Variants in BMP6 observed in about 807,000 individuals in gnomAD.
The protein encoded by BMP6 is VG-1-R.
BMP6 carries 17 observed loss-of-function variants against 54.1 expected under a neutral mutation model. The observed-to-expected ratio is 0.31, with a 90% CI of 0.22 to 0.47. BMP6 has a LOEUF of 0.47. Ranked by LOEUF, BMP6 falls within the 20% of genes least tolerant of loss-of-function variation. The pLI is 1.00. For synonymous variants in BMP6, 328 were observed against 291.2 expected (o/e 1.13, Z -1.28); for missense variants, 720 against 690.4 (o/e 1.04, Z -0.48).
At chr6:7,741,471 A>G (rs914259000) in intron 1 of BMP6, among the ~76,000 whole-genome samples, 2 of 139,466 alleles carry the variant, frequency 1.4e-5, no homozygotes, top group Admixed American at 7.3e-5. Flanking sequence ...AGTTGTTTTA[A>G]TTTTTTGTAG....
At chr6:7,864,444 A>C (rs1220090785) in intron 4 of BMP6, among the ~76,000 whole-genome samples, 1 of 152,210 alleles carries the variant, frequency 6.6e-6, no homozygotes, top group East Asian at 1.9e-4. Flanking sequence ...CCATTGTAGG[A>C]AGTAGGTTCT....
intron 1 of BMP6, among the ~76,000 whole-genome samples, chr6:7,783,678 G>C (rs897124264): frequency 6.6e-6 from 1 of 152,166 alleles, no homozygotes; most frequent in African/African-American, 2.4e-5. Context: ...CCTTTCTCTT[G>C]TTCACAGCCC....
chr6:7,862,614 A>C (rs1759353351), intron 4 of BMP6, 116 bp downstream of exon 4: 3 of 1,297,278 alleles, frequency 2.3e-6, no homozygotes, highest in Middle Eastern at 2.6e-4. Context: ...CCAAAGGCAA[A>C]TAGGTGTCAT....
chr6:7,785,891 T>A (rs1758012952), intron 1 of BMP6, among the ~76,000 whole-genome samples: 1 of 152,160 alleles, frequency 6.6e-6, no homozygotes, highest in Admixed American at 6.5e-5. Context: ...GTAACTTAGT[T>A]ACTGAAAAAT....
chr6:7,879,250 G>A, intron 5 of BMP6, 100 bp downstream of exon 5: 2 of 1,240,370 alleles, frequency 1.6e-6, no homozygotes, highest in Non-Finnish European at 2.3e-6. Flanking sequence ...TTGATTGAAG[G>A]CTGAGCTGCT....
At chr6:7,855,654 C>G (rs1052843090) in intron 2 of BMP6, among the ~76,000 whole-genome samples, 2 of 150,172 alleles carry the variant, frequency 1.3e-5, no homozygotes, top group Non-Finnish European at 3.0e-5. Context: ...CTGCACCTCC[C>G]AGGCTCAAGA....
intron 1 of BMP6, among the ~76,000 whole-genome samples, chr6:7,800,076 A>AGG (rs1184997349): frequency 7.8e-6 from 1 of 128,936 alleles, no homozygotes; most frequent in African/African-American, 3.3e-5. Flanking sequence ...CGATAAAGGA[A>AGG]GGGGTGTGTG....
chr6:7,730,323 C>A (rs7771031), intron 1 of BMP6, among the ~76,000 whole-genome samples: 6,327 of 152,042 alleles, frequency 0.042, 439 homozygotes, highest in African/African-American at 0.14. Context: ...TAAAAAAATC[C>A]CCTAAAAATT....
chr6:7,874,333 C>A lies in BMP6; in HGVS notation c.1205-4741C>A, dbSNP rs571685386. ...CATCACAGCCGCCACATGGTTGTTC[C>A]TGGAATAGGTGAAGCAGGCTGCTTC... On this transcript the variant is annotated intron_variant, in intron 4 of 6. Transcript: ENST00000283147. Among the ~76,000 whole-genome samples, 22 of 152,322 alleles carry A rather than the reference C, an allele frequency of 1.4e-4. No individual in the cohort carries two copies. The South Asian group carries it at 1.9e-3, about 13-fold the overall frequency.
At chr6:7,762,608 T>C (rs964103606) in intron 1 of BMP6, among the ~76,000 whole-genome samples, 1 of 152,210 alleles carries the variant, frequency 6.6e-6, no homozygotes, top group Non-Finnish European at 1.5e-5. Flanking sequence ...TATAGAAATA[T>C]AAGCTTCATC....
intron 1 of BMP6, among the ~76,000 whole-genome samples, chr6:7,736,400 T>G (rs1367899332): frequency 6.6e-6 from 1 of 152,238 alleles, no homozygotes; most frequent in Admixed American, 6.5e-5. Flanking sequence ...TTAAATATTT[T>G]TCCTTTCTGA....
intron 1 of BMP6, among the ~76,000 whole-genome samples, chr6:7,789,615 T>C (rs1758065801): frequency 6.6e-6 from 1 of 152,154 alleles, no homozygotes; most frequent in Non-Finnish European, 1.5e-5. Flanking sequence ...TGGCAGGTGC[T>C]CCTGGAGTCT....
chr6:7,772,605 G>A (rs1309537074), intron 1 of BMP6, among the ~76,000 whole-genome samples: 3 of 152,096 alleles, frequency 2.0e-5, no homozygotes, highest in Non-Finnish European at 4.4e-5. Flanking sequence ...TCTCCCTCAG[G>A]GCCAGTGCTA....
intron 1 of BMP6, among the ~76,000 whole-genome samples, chr6:7,731,798 ATATG>A (rs1396947085): frequency 1.3e-5 from 2 of 152,244 alleles, no homozygotes; most frequent in African/African-American, 4.8e-5. Context: ...TTAGTCACCC[ATATG>A]TATATTAATT....
chr6:7,840,916 C>T (rs762598704), intron 1 of BMP6, among the ~76,000 whole-genome samples: 1 of 152,074 alleles, frequency 6.6e-6, no homozygotes, highest in Non-Finnish European at 1.5e-5. Flanking sequence ...ATGCCTCACT[C>T]GAATTGAAAA....
intron 1 of BMP6, among the ~76,000 whole-genome samples, chr6:7,792,569 T>G (rs1581249782): frequency 6.6e-6 from 1 of 152,166 alleles, no homozygotes. Flanking sequence ...CTCAAACAGA[T>G]ACAAACACAT....
intron 4 of BMP6, among the ~76,000 whole-genome samples, chr6:7,869,718 T>C (rs1157514990): frequency 6.6e-6 from 1 of 152,186 alleles, no homozygotes; most frequent in African/African-American, 2.4e-5. Flanking sequence ...AGACCAGGAC[T>C]TAAGGTCGGG....
chr6:7,869,991 AGAACAG>A (rs1759496520), intron 4 of BMP6, among the ~76,000 whole-genome samples: 1 of 152,152 alleles, frequency 6.6e-6, no homozygotes. Context: ...CACCACCCTC[AGAACAG>A]GACTCTCAGA....
At chr6:7,770,375 A>T (rs1757764444) in intron 1 of BMP6, among the ~76,000 whole-genome samples, 1 of 152,192 alleles carries the variant, frequency 6.6e-6, no homozygotes, top group Non-Finnish European at 1.5e-5. Context: ...AAATCCCTTA[A>T]GGAATGACTG....
Sources: allele counts gnomAD v4.1 joint callset (sites outside exome capture counted in the v4.1 genomes callset), GRCh38; gene constraint gnomAD v4.1.1; transcripts MANE v1.5; gene names NCBI Gene and HGNC (gene_info 2026-07-23, HGNC 2026-07-21).